Variants in CRTC3 observed in about 807,000 individuals in gnomAD.
CRTC3 encodes the protein CREB-regulated transcription coactivator 3.
CRTC3 carries 26 observed loss-of-function variants against 74.5 expected under a neutral mutation model. That is an observed-to-expected ratio of 0.35 (90% confidence interval 0.26 to 0.48). The LOEUF is 0.48. CRTC3 is among the 20% of genes least tolerant of loss of function. CRTC3 has a pLI of 0.99. For synonymous variants in CRTC3, 377 were observed against 325.8 expected (o/e 1.16, Z -1.69); for missense variants, 760 against 787.3 (o/e 0.97, Z 0.41).
intron 13 of CRTC3, among the ~76,000 whole-genome samples, chr15:90,639,594 CAT>C (rs1969366840): frequency 6.6e-6 from 1 of 151,284 alleles, no homozygotes. Flanking sequence ...GGGTTACAGG[CAT>C]GTACCCCTAC....
intron 2 of CRTC3, among the ~76,000 whole-genome samples, chr15:90,545,580 T>G (rs547051954): frequency 2.2e-4 from 34 of 151,414 alleles, no homozygotes; most frequent in East Asian, 1.9e-3. Context: ...TTGTTTGTTT[T>G]TTTTTTTTAC....
chr15:90,604,052 G>A (rs1170430436), intron 4 of CRTC3, among the ~76,000 whole-genome samples: 1 of 152,088 alleles, frequency 6.6e-6, no homozygotes, highest in Non-Finnish European at 1.5e-5. Context: ...ATGGCCATTG[G>A]TAGGGGAATG....
At chr15:90,627,326 A>C (rs1207805422) in intron 10 of CRTC3, among the ~76,000 whole-genome samples, 1 of 152,208 alleles carries the variant, frequency 6.6e-6, no homozygotes, top group Non-Finnish European at 1.5e-5. Context: ...GCTTCATAGG[A>C]GAAATTTGAT....
At chr15:90,614,877 A>G (rs1968448728) in intron 7 of CRTC3, among the ~76,000 whole-genome samples, 1 of 152,174 alleles carries the variant, frequency 6.6e-6, no homozygotes, top group Non-Finnish European at 1.5e-5. Flanking sequence ...CAGCCTGACC[A>G]ACATGGTGAA....
intron 5 of CRTC3, among the ~76,000 whole-genome samples, chr15:90,606,548 C>A (rs980740261): frequency 6.6e-6 from 1 of 151,710 alleles, no homozygotes; most frequent in Non-Finnish European, 1.5e-5. Context: ...GGCAACAGAG[C>A]GAGACTCTGT....
chr15:90,535,378 G>T (rs1596065909), intron 1 of CRTC3, among the ~76,000 whole-genome samples: 1 of 152,184 alleles, frequency 6.6e-6, no homozygotes, highest in Admixed American at 6.5e-5. Context: ...TGACACAAAA[G>T]ATGTGTCCTT....
rs1379096003 is a variant in CRTC3 at position 90,604,419 on chromosome 15, G to C, written c.448G>C (p.Gly150Arg). 6.2e-7 allele frequency: 1 copy of C among 1,613,994 alleles called. No homozygotes were observed. The highest frequency in any genetic ancestry group is 1.7e-5 in the Admixed American group (1 of 60,016). The change falls in exon 5 of 15, where the codon GGG becomes CGG. Residue 150 changes from glycine (G) to arginine (R), a missense_variant. This residue lies in a region of CRTC3 where 652 missense variants were observed against 635.2 expected (regional missense o/e 1.03). Coordinates refer to ENST00000268184, the MANE Select transcript of CRTC3 (RefSeq NM_022769.5). ...TCCTTGGAAAGACGAAAAGCATCCT[G>C]GGTTCAGGCTGACATCTGCACTTAA... is the stretch of plus-strand genomic sequence containing the variant. ...QPPWKDEKHP[G>R]FRLTSALNRT...
intron 2 of CRTC3, among the ~76,000 whole-genome samples, chr15:90,590,061 C>T (rs931265414): frequency 4.0e-5 from 6 of 151,860 alleles, no homozygotes; most frequent in Non-Finnish European, 5.9e-5. Flanking sequence ...GAGGCTGAGG[C>T]GGGCGGATTG....
At chr15:90,641,318 G>A in intron 14 of CRTC3, 119 bp downstream of exon 14, 1 of 719,476 alleles carries the variant, frequency 1.4e-6, no homozygotes, top group Non-Finnish European at 2.3e-6. Context: ...CGTTCCCTGG[G>A]TCGACTTGAC....
intron 2 of CRTC3, among the ~76,000 whole-genome samples, chr15:90,573,603 T>C (rs748088035): frequency 2.0e-5 from 3 of 152,226 alleles, no homozygotes; most frequent in Non-Finnish European, 2.9e-5. Flanking sequence ...TTGAATAATT[T>C]CTTTTTTACA....
intron 13 of CRTC3, among the ~76,000 whole-genome samples, chr15:90,639,340 C>CT (rs1235652037): frequency 6.6e-6 from 1 of 151,690 alleles, no homozygotes; most frequent in African/African-American, 2.4e-5. Context: ...CTAACATTGA[C>CT]TATTTTTAAT....
At chr15:90,605,716 C>G (rs1567181583) in intron 5 of CRTC3, among the ~76,000 whole-genome samples, 1 of 152,208 alleles carries the variant, frequency 6.6e-6, no homozygotes, top group African/African-American at 2.4e-5. Context: ...TCCTCTGAAG[C>G]CACGTGGCTT....
At chr15:90,618,140 C>T (rs927722997) in intron 8 of CRTC3, 172 bp downstream of exon 8, 12 of 424,180 alleles carry the variant, frequency 2.8e-5, no homozygotes, top group East Asian at 7.2e-5. Context: ...AAAATTATCG[C>T]GCTTGTGTCA....
At chr15:90,582,333 G>A (rs1243269196) in intron 2 of CRTC3, among the ~76,000 whole-genome samples, 4 of 152,180 alleles carry the variant, frequency 2.6e-5, no homozygotes, top group Non-Finnish European at 4.4e-5. Context: ...CTTGGGTGGC[G>A]CTCTGTGGAA....
chr15:90,545,119 G>C (rs985601862), intron 2 of CRTC3, among the ~76,000 whole-genome samples: 1 of 152,138 alleles, frequency 6.6e-6, no homozygotes, highest in Non-Finnish European at 1.5e-5. Flanking sequence ...TTTGTGACTG[G>C]CTTGTGCTTA....
intron 9 of CRTC3, among the ~76,000 whole-genome samples, chr15:90,623,495 G>A (rs1405495207): frequency 6.6e-6 from 1 of 152,086 alleles, no homozygotes; most frequent in Non-Finnish European, 1.5e-5. Flanking sequence ...CAGTCCCCAG[G>A]CTAAAGGCCC....
chr15:90,636,739 C>T (rs185544392), intron 11 of CRTC3, among the ~76,000 whole-genome samples: 15 of 152,164 alleles, frequency 9.9e-5, no homozygotes, highest in South Asian at 6.2e-4. Context: ...AAAAAGTGGG[C>T]GAAGGATATG....
chr15:90,574,625 T>C (rs1401518861), intron 2 of CRTC3, among the ~76,000 whole-genome samples: 1 of 152,228 alleles, frequency 6.6e-6, no homozygotes, highest in African/African-American at 2.4e-5. Flanking sequence ...TAGTAGATAT[T>C]GTCAGTTCAC....
At chr15:90,546,762 A>G (rs1026206073) in intron 2 of CRTC3, among the ~76,000 whole-genome samples, 8 of 152,152 alleles carry the variant, frequency 5.3e-5, no homozygotes, top group Admixed American at 6.5e-5. Context: ...AGCTGGGACT[A>G]CAGGTGCCCG....
Sources: allele counts gnomAD v4.1 joint callset (sites outside exome capture counted in the v4.1 genomes callset), GRCh38; gene constraint gnomAD v4.1.1; regional missense constraint gnomAD v4.1.1; transcripts MANE v1.5; gene names NCBI Gene and HGNC (gene_info 2026-07-23, HGNC 2026-07-21).